VAV3: variants seen among roughly 807,000 people sequenced by gnomAD.
VAV3 encodes the protein vav guanine nucleotide exchange factor 3, also known as guanine nucleotide exchange factor VAV3.
In VAV3, 94 loss-of-function variants were observed where a neutral mutation model predicts 131.2. That is an observed-to-expected ratio of 0.72 (90% CI 0.61 to 0.85). The LOEUF is 0.85. Among genes scored for constraint, VAV3 ranks in the 40% least tolerant of loss-of-function variants. The pLI is 0.00. For missense variants in VAV3, 939 were observed against 1,002.7 expected, an observed-to-expected ratio of 0.94 and a Z score of 0.86; for synonymous variants, 349 against 342.0, an observed-to-expected ratio of 1.02 and a Z score of -0.22.
intron 2 of VAV3, among the ~76,000 whole-genome samples, chr1:107,796,614 T>C (rs1666557732): frequency 6.6e-6 from 1 of 152,066 alleles, no homozygotes; most frequent in Non-Finnish European, 1.5e-5. Context: ...CCTTTAAAAA[T>C]ATATGAATCT....
At chr1:107,826,155 A>G (rs976288644) in intron 2 of VAV3, among the ~76,000 whole-genome samples, 1 of 152,134 alleles carries the variant, frequency 6.6e-6, no homozygotes, top group Admixed American at 6.6e-5. Context: ...AACTTCTACT[A>G]CTTACCAAAT....
intron 2 of VAV3, among the ~76,000 whole-genome samples, chr1:107,833,171 A>G (rs911135880): frequency 7.9e-5 from 12 of 152,244 alleles, no homozygotes; most frequent in African/African-American, 2.7e-4. Context: ...ATGTAAAGGA[A>G]AAGTTATTGA....
rs537007431 is a variant in VAV3 at position 107,879,430 on chromosome 1, A to G, written c.205-4413T>C. On this transcript the variant is annotated intron_variant, in intron 1 of 26. Transcript: ENST00000370056. ...TTCTATAATTTTCTTTGTGGAGTGC[A>G]TAATAAGCCAATTCTTATCTCACTG... Among the ~76,000 whole-genome samples the G allele has an allele frequency of 3.9e-5, 6 of 152,346 alleles. No homozygotes were observed. In the East Asian group the frequency reaches 1.2e-3, roughly 29 times the overall value.
chr1:107,768,026 A>G (rs1664829555), intron 7 of VAV3, among the ~76,000 whole-genome samples: 1 of 152,184 alleles, frequency 6.6e-6, no homozygotes, highest in South Asian at 2.1e-4. Context: ...GAAGTCAAAG[A>G]TGTGGAGGAA....
chr1:107,645,873 T>C (rs1009396955), intron 19 of VAV3, among the ~76,000 whole-genome samples: 6 of 152,014 alleles, frequency 3.9e-5, no homozygotes, highest in African/African-American at 1.4e-4. Context: ...AACCTCTGTT[T>C]AAAAATGTCC....
intron 1 of VAV3, among the ~76,000 whole-genome samples, chr1:107,913,165 T>C (rs1037222983): frequency 6.6e-6 from 1 of 152,252 alleles, no homozygotes; most frequent in African/African-American, 2.4e-5. Flanking sequence ...CTATATTTAA[T>C]GTTTTAAATT....
At chr1:107,794,387 G>A (rs1666440342) in intron 2 of VAV3, among the ~76,000 whole-genome samples, 1 of 152,188 alleles carries the variant, frequency 6.6e-6, no homozygotes, top group African/African-American at 2.4e-5. Context: ...TTCAGCCTTT[G>A]CTGAGGACTA....
chr1:107,703,707 T>A (rs181536978), intron 17 of VAV3, among the ~76,000 whole-genome samples: 1 of 152,376 alleles, frequency 6.6e-6, no homozygotes, highest in Non-Finnish European at 1.5e-5. Context: ...GTCCACCTTT[T>A]CCTTTGGGAA....
At chr1:107,612,143 TACAC>T (rs397836183) in intron 21 of VAV3, among the ~76,000 whole-genome samples, 1 of 127,284 alleles carries the variant, frequency 7.9e-6, no homozygotes, top group South Asian at 2.4e-4. Flanking sequence ...TATATATATA[TACAC>T]ACACACACAT....
intron 15 of VAV3, among the ~76,000 whole-genome samples, chr1:107,705,938 T>A (rs1004704717): frequency 6.6e-6 from 1 of 152,224 alleles, no homozygotes; most frequent in Non-Finnish European, 1.5e-5. Context: ...AATGTTCATA[T>A]TAAAATAATC....
intron 19 of VAV3, among the ~76,000 whole-genome samples, chr1:107,677,304 A>G (rs887492565): frequency 2.0e-5 from 3 of 152,198 alleles, no homozygotes; most frequent in Non-Finnish European, 4.4e-5. Context: ...TGCATCAAAT[A>G]TTGTTATACA....
intron 24 of VAV3, among the ~76,000 whole-genome samples, chr1:107,599,373 T>G (rs1040706663): frequency 6.6e-6 from 1 of 152,080 alleles, no homozygotes; most frequent in Non-Finnish European, 1.5e-5. Flanking sequence ...AACAAGTAAA[T>G]AAGAAGACTC....
intron 24 of VAV3, among the ~76,000 whole-genome samples, chr1:107,600,628 C>T (rs944252507): frequency 1.3e-5 from 2 of 152,106 alleles, no homozygotes; most frequent in African/African-American, 4.8e-5. Context: ...GGCTCTCTGG[C>T]ACAATTTTTT....
chr1:107,573,245 A>C lies in VAV3; in HGVS notation c.*86T>G. On this transcript the variant is annotated 3_prime_UTR_variant, in exon 27 of 27. Coordinates refer to ENST00000370056, the MANE Select transcript of VAV3 (RefSeq NM_006113.5). ...CAGCCAGAAATGCAGCTTTTTAAAC[A>C]CTTCAGTTAATTCACGATGCTGTGC... 1 of 1,482,176 alleles carries C rather than the reference A, an allele frequency of 6.7e-7. No individual in the cohort carries two copies. The highest frequency in any genetic ancestry group is 9.3e-7 in the Non-Finnish European group (1 of 1,081,020). 91.8% of individuals were successfully genotyped at this position (1,482,176 alleles called of 1,614,324 possible). A position where few individuals can be genotyped will look rare whatever the true frequency, so the allele number is the denominator to read the frequency against.
At chr1:107,710,757 C>T (rs915026694) in intron 15 of VAV3, among the ~76,000 whole-genome samples, 8 of 151,968 alleles carry the variant, frequency 5.3e-5, no homozygotes, top group Admixed American at 2.6e-4. Context: ...GGATAGTTAG[C>T]GATATCATGA....
At chr1:107,727,693 G>A (rs1321560169) in intron 15 of VAV3, among the ~76,000 whole-genome samples, 1 of 152,134 alleles carries the variant, frequency 6.6e-6, no homozygotes, top group Non-Finnish European at 1.5e-5. Context: ...TTAAATATAA[G>A]CCTATGGGAT....
Position 107,609,130 on chromosome 1 carries a change from TA to T in VAV3, c.2015+800del, listed in dbSNP as rs555112472. Among the ~76,000 whole-genome samples, 17 of 152,270 alleles carry T rather than the reference TA, an allele frequency of 1.1e-4. No homozygotes were observed. The South Asian group carries it at 2.3e-3, about 20-fold the overall frequency. On this transcript the variant is annotated intron_variant, in intron 22 of 26. Transcript: ENST00000370056. ...AACAGTCACCACCACTTTTCTTATA[TA>T]AATGTTGAAGAAATAAAACAAAACA... is the stretch of plus-strand genomic sequence containing the variant.
chr1:107,856,150 A>G (rs1210444745), intron 2 of VAV3, among the ~76,000 whole-genome samples: 2 of 152,232 alleles, frequency 1.3e-5, no homozygotes, highest in Non-Finnish European at 2.9e-5. Context: ...TATGGTCAGC[A>G]GCAGGACTAC....
At chr1:107,734,550 C>G (rs10881480) in intron 15 of VAV3, among the ~76,000 whole-genome samples, 101,080 of 151,410 alleles carry the variant, frequency 0.67, 34,362 homozygotes, top group East Asian at 0.97. Context: ...GAAAAGCAGG[C>G]CTTGCAATCC....
Sources: allele counts gnomAD v4.1 joint callset (sites outside exome capture counted in the v4.1 genomes callset), GRCh38; gene constraint gnomAD v4.1.1; transcripts MANE v1.5; gene names NCBI Gene and HGNC (gene_info 2026-07-23, HGNC 2026-07-21).